FNDC1: variants seen among roughly 807,000 people sequenced by gnomAD.
FNDC1 encodes fibronectin type III domain containing 1.
A neutral mutation model predicts 168.0 loss-of-function variants in FNDC1; 96 were observed. That is an observed-to-expected ratio of 0.57 (90% confidence interval 0.48 to 0.68). The LOEUF is 0.68. Ranked by LOEUF, FNDC1 falls within the 30% of genes least tolerant of loss-of-function variation. The probability of loss-of-function intolerance (pLI) is 0.00; values close to 1 mark genes in which losing one functional copy is unlikely to be tolerated. For missense variants in FNDC1, 2,587 were observed against 2,482.1 expected (o/e 1.04, Z -0.90); for synonymous variants, 1,099 against 1,025.9 (o/e 1.07, Z -1.36).
In FNDC1 at chr6:159,233,334, A is replaced by G. The variant is rs1028806506; in HGVS notation, c.2822A>G (p.Lys941Arg). Residue 941 changes from lysine to arginine, a missense_variant, in exon 11 of 23, where the codon AAG becomes AGG. Coordinates refer to ENST00000297267, the MANE Select transcript of FNDC1 (RefSeq NM_032532.3). The surrounding 1 kb of genome is among the most constrained non-coding windows in gnomAD (Gnocchi z 4.6). ...STGADTHPQGKYSSLASKAQD... is the reference protein window; with the variant it reads ...STGADTHPQGRYSSLASKAQD... ...GGGGCAGATACACATCCTCAGGGCA[A>G]GTACTCCTCCCTGGCCTCCAAGGCT... 1 of 1,613,786 alleles carries G rather than the reference A, an allele frequency of 6.2e-7. No individual in the cohort carries two copies.
At position 159,233,882 on chromosome 6, in the gene FNDC1, G is replaced by A. The variant is rs1321484175; in HGVS notation, c.3370G>A (p.Asp1124Asn). The change falls in exon 11 of 23, where the codon GAC (aspartate) becomes AAC (asparagine). Residue 1124 changes from aspartate (D) to asparagine (N), a missense_variant. By Grantham distance (23) the Asp-to-Asn change is conservative. Transcript: ENST00000297267. This position sits in a 1 kb window ranked among gnomAD's most constrained non-coding sequence, Gnocchi z 4.6. ...ESPTGAGAGG[D>N]HRSQRGHAAS... The stretch of plus-strand genomic sequence containing the variant: ...TCCCACAGGCGCAGGGGCAGGTGGC[G>A]ACCACAGGTCCCAGCGCGGACATGC... The A allele has an allele frequency of 6.5e-7, 1 of 1,547,420 alleles. No homozygotes were observed. The highest frequency in any genetic ancestry group is 2.4e-5 in the East Asian group (1 of 40,820).
intron 1 of FNDC1, among the ~76,000 whole-genome samples, chr6:159,194,234 G>A (rs185143993): frequency 1.4e-4 from 22 of 152,254 alleles, no homozygotes; most frequent in African/African-American, 4.6e-4. Flanking sequence ...ATGAAAAAGC[G>A]TCTTGTCATG....
At chr6:159,194,254 G>T (rs960936936) in intron 1 of FNDC1, among the ~76,000 whole-genome samples, 3 of 152,160 alleles carry the variant, frequency 2.0e-5, no homozygotes, top group African/African-American at 7.2e-5. Context: ...GGCCCTACCT[G>T]TCATGCATGG....
At position 159,232,118 on chromosome 6, in the gene FNDC1, C is replaced by T; in HGVS notation, c.1606C>T (p.Gln536Ter). Residue 536 changes from glutamine to a stop codon, truncating the protein, a stop_gained, in exon 11 of 23, where the codon CAG becomes TAG. Transcript: ENST00000297267. LOFTEE classifies it high-confidence loss of function. This position sits in a 1 kb window ranked among gnomAD's most constrained non-coding sequence, Gnocchi z 4.9. ...CAAGAAGGCAGAGGAGCTGGATCTT[C>T]AGTCGACAGAAATCACTGGGGAGGA... ...RAKKAEELDL[Q>*]STEITGEEEL... is the part of the protein sequence containing the mutation. The T allele has an allele frequency of 1.9e-6, 3 of 1,613,948 alleles. No individual in the cohort carries two copies. Among genetic ancestry groups the T allele is most frequent in the Non-Finnish European group, 1.7e-6 (2 of 1,179,880 alleles).
chr6:159,229,766 A>G (rs1048661310), intron 9 of FNDC1, 49 bp from the exon 10 acceptor site: 1 of 1,536,558 alleles, frequency 6.5e-7, no homozygotes, highest in Non-Finnish European at 8.9e-7. Context: ...TGCTGGACAC[A>G]GGACTGTTTT....
intron 1 of FNDC1, among the ~76,000 whole-genome samples, chr6:159,192,620 A>G (rs1054354168): frequency 3.3e-5 from 5 of 152,174 alleles, no homozygotes; most frequent in African/African-American, 1.2e-4. Context: ...TGGATATTGA[A>G]TTTCATTCTG....
At position 159,192,418 on chromosome 6, in the gene FNDC1, G is replaced by A. The variant is rs1383715865; in HGVS notation, c.110-5013G>A. Reference sequence around the variant, plus strand: ...CATTATGGCATTATTTTTACCATTGGTTCACTTTATTCACTGATTCTGAAC... The same window carrying A: ...CATTATGGCATTATTTTTACCATTGATTCACTTTATTCACTGATTCTGAAC... On this transcript the variant is annotated intron_variant, in intron 1 of 22. Coordinates refer to ENST00000297267, the MANE Select transcript of FNDC1 (RefSeq NM_032532.3). 2.0e-5 allele frequency among the ~76,000 whole-genome samples: 3 copies of A among 152,076 alleles called. No homozygotes were observed. The East Asian group carries it at 5.8e-4, about 29-fold the overall frequency.
chr6:159,194,665 C>T (rs540368725), intron 1 of FNDC1, among the ~76,000 whole-genome samples: 1 of 152,058 alleles, frequency 6.6e-6, no homozygotes. Context: ...AAACAATGAT[C>T]GGGAATAGAA....
rs773943155 is a variant in FNDC1 at position 159,256,629 on chromosome 6, G to A, written c.5172G>A (p.Thr1724=). 19 of 1,600,184 alleles carry A rather than the reference G, an allele frequency of 1.2e-5. No individual in the cohort carries two copies. The highest frequency in any genetic ancestry group is 2.2e-5 in the South Asian group (2 of 90,622). Reference sequence around the variant, plus strand: ...CCATTGAGAACCTAAAGCCCAACACGAGGTACGATGTGTCAGTCATTTAGA... The same window carrying A: ...CCATTGAGAACCTAAAGCCCAACACAAGGTACGATGTGTCAGTCATTTAGA... The part of the protein sequence containing the change: ...HLPIENLKPN[T]RYYFKVQAQN... Residue 1724 remains threonine (T), a splice_region_variant and synonymous_variant, in exon 18 of 23, where the codon ACG becomes ACA. Transcript: ENST00000297267.
chr6:159,269,611 C>G (rs1321717630), intron 22 of FNDC1, among the ~76,000 whole-genome samples: 1 of 148,288 alleles, frequency 6.7e-6, no homozygotes, highest in East Asian at 2.0e-4. Context: ...ATCTATCTAT[C>G]TATCTATCTA....
At chr6:159,208,277 A>G (rs1437777668) in intron 4 of FNDC1, among the ~76,000 whole-genome samples, 3 of 152,210 alleles carry the variant, frequency 2.0e-5, no homozygotes, top group African/African-American at 7.2e-5. Flanking sequence ...GAATCATAAG[A>G]TGGCTGAAGA....
intron 19 of FNDC1, among the ~76,000 whole-genome samples, chr6:159,264,620 T>A (rs896107269): frequency 1.3e-5 from 2 of 152,202 alleles, no homozygotes; most frequent in Non-Finnish European, 2.9e-5. Context: ...GTGGAATGGA[T>A]GGATTTTGTA....
At chr6:159,172,119 C>G (rs779425611) in intron 1 of FNDC1, among the ~76,000 whole-genome samples, 3 of 151,978 alleles carry the variant, frequency 2.0e-5, no homozygotes, top group Non-Finnish European at 4.4e-5. Context: ...TTAATTTTAC[C>G]AAATCTTTGT....
chr6:159,236,183 GCT>G (rs1562302943), intron 11 of FNDC1, 30 bp from the exon 12 acceptor site: 1 of 1,514,752 alleles, frequency 6.6e-7, no homozygotes, highest in East Asian at 2.3e-5. Context: ...AATTTACCAG[GCT>G]CTGTTATTTT....
chr6:159,255,899 G>A (rs1279239905), intron 17 of FNDC1, among the ~76,000 whole-genome samples: 1 of 152,200 alleles, frequency 6.6e-6, no homozygotes, highest in Non-Finnish European at 1.5e-5. Flanking sequence ...CAGGGCCAAG[G>A]GTTCACCCGC....
At chr6:159,197,082 T>C (rs963655689) in intron 1 of FNDC1, among the ~76,000 whole-genome samples, 14 of 152,252 alleles carry the variant, frequency 9.2e-5, no homozygotes, top group African/African-American at 3.4e-4. Flanking sequence ...ACTTATTTAC[T>C]ATATAAATGC....
At position 159,232,526 on chromosome 6, in the gene FNDC1, C is replaced by T. The variant is rs752041134; in HGVS notation, c.2014C>T (p.Pro672Ser). 1.2e-6 allele frequency: 2 copies of T among 1,612,362 alleles called. No individual in the cohort carries two copies. Among genetic ancestry groups the T allele is most frequent in the Non-Finnish European group, 8.5e-7 (1 of 1,179,366 alleles). Residue 672 changes from proline to serine, a missense_variant, in exon 11 of 23, where the codon CCC (proline) becomes TCC (serine). Pro to Ser is a moderately conservative substitution (Grantham distance 74). Transcript: ENST00000297267. This position sits in a 1 kb window ranked among gnomAD's most constrained non-coding sequence, Gnocchi z 4.9. ...CGCCCAGCCCCGGCCAGCCCTGTCC[C>T]CCAGCCGCCAGTCCCCGTCCAGCGT... ...AFAQPRPALS[P>S]SRQSPSSVLR...
chr6:159,194,618 T>C (rs1782205903), intron 1 of FNDC1, among the ~76,000 whole-genome samples: 1 of 152,200 alleles, frequency 6.6e-6, no homozygotes, highest in Admixed American at 6.5e-5. Flanking sequence ...CTTATAGCTT[T>C]ATTTCACGTT....
Position 159,239,830 on chromosome 6 carries a change from C to T in FNDC1, c.4494C>T (p.Thr1498=). 2.1e-6 allele frequency: 3 copies of T among 1,415,444 alleles called. No individual in the cohort carries two copies. The highest frequency in any genetic ancestry group is 1.3e-5 in the South Asian group (1 of 78,832). The allele number at this position is 1,415,444 out of a possible 1,614,324, so 87.7% of individuals were successfully genotyped here. ...CAGTCCGAACCACTACGCGGACAAC[C>T]ACCACCACCACCCCCACACCCACCA... ...TTTVRTTTRT[T]TTTTPTPTTP... The change falls in exon 14 of 23, where the codon ACC becomes ACT. Residue 1498 remains threonine (T), a synonymous_variant. Coordinates refer to ENST00000297267, the MANE Select transcript of FNDC1 (RefSeq NM_032532.3).
Sources: gnomAD v4.1 joint callset for allele counts (sites outside exome capture counted in the v4.1 genomes callset) on GRCh38, gnomAD v4.1.1 for gene constraint, Gnocchi (gnomAD v3.1) non-coding constraint, MANE v1.5 for transcripts, NCBI Gene and HGNC (gene_info 2026-07-23, HGNC 2026-07-21) for gene names.